ZNF675: variants seen among roughly 807,000 people sequenced by gnomAD.
ZNF675 encodes the protein zinc finger protein 675.
ZNF675 carries 36 observed loss-of-function variants against 56.1 expected under a neutral mutation model. The ratio of observed to expected loss-of-function variants is 0.64; its 90% confidence interval spans 0.49 to 0.85. The LOEUF (loss-of-function observed/expected upper bound fraction) is 0.85. ZNF675 is among the 40% of genes least tolerant of loss of function. ZNF675 has a pLI of 0.00. For missense variants in ZNF675, 663 were observed against 654.2 expected (o/e 1.01, Z -0.15); for synonymous variants, 200 against 218.9 (o/e 0.91, Z 0.76).
At chr19:23,661,101 T>G (rs1725593908) in intron 3 of ZNF675, among the ~76,000 whole-genome samples, 1 of 152,102 alleles carries the variant, frequency 6.6e-6, no homozygotes, top group African/African-American at 2.4e-5. Flanking sequence ...GGCTAATTTT[T>G]TGTATTTTTA....
chr19:23,659,430 G>GC (rs1968046855), intron 3 of ZNF675, among the ~76,000 whole-genome samples: 1 of 152,078 alleles, frequency 6.6e-6, no homozygotes, highest in African/African-American at 2.4e-5. Flanking sequence ...AGATTGCCAG[G>GC]CATCATGGCT....
At chr19:23,662,780 G>C (rs1437881828) in intron 2 of ZNF675, among the ~76,000 whole-genome samples, 1 of 151,802 alleles carries the variant, frequency 6.6e-6, no homozygotes, top group Non-Finnish European at 1.5e-5. Context: ...ACGAGTTCGA[G>C]ACCAGCCTGG....
chr19:23,668,539 C>T (rs1386807372), intron 1 of ZNF675, among the ~76,000 whole-genome samples: 1 of 152,220 alleles, frequency 6.6e-6, no homozygotes, highest in Non-Finnish European at 1.5e-5. Context: ...ACTCCTCAGC[C>T]CTTGGGCGGT....
At chr19:23,681,069 C>T (rs1044899545) in intron 1 of ZNF675, among the ~76,000 whole-genome samples, 1 of 151,750 alleles carries the variant, frequency 6.6e-6, no homozygotes, top group African/African-American at 2.4e-5. Context: ...GTTTGTACTA[C>T]AGATAGTGGC....
At position 23,654,113 on chromosome 19, in the gene ZNF675, G is replaced by A; in HGVS notation, c.820C>T (p.His274Tyr). ...AFNQSSHLTT[H>Y]KIIHTGEKPY... is the part of the protein sequence containing the mutation. ...TTCTCTCCTGTATGAATTATCTTAT[G>A]TGTAGTAAGGTGTGAGGACTGGTTA... The change falls in exon 4 of 4, where the codon CAT (histidine) becomes TAT (tyrosine). Residue 274 changes from histidine to tyrosine, a missense_variant. Transcript: ENST00000359788. 6.2e-7 allele frequency: 1 copy of A among 1,613,938 alleles called. No homozygotes were observed. The highest frequency in any genetic ancestry group is 8.5e-7 in the Non-Finnish European group (1 of 1,179,992).
At chr19:23,677,739 A>C (rs1007185106) in intron 1 of ZNF675, among the ~76,000 whole-genome samples, 1 of 149,708 alleles carries the variant, frequency 6.7e-6, no homozygotes, top group African/African-American at 2.5e-5. Context: ...TCCCATTTGC[A>C]GTTGCCACAA....
intron 1 of ZNF675, among the ~76,000 whole-genome samples, chr19:23,669,664 G>T (rs565608390): frequency 1.1e-4 from 17 of 152,150 alleles, no homozygotes; most frequent in African/African-American, 3.6e-4. Flanking sequence ...ATAAGGTCAG[G>T]AGTTCGAGAC....
intron 3 of ZNF675, chr19:23,656,612 G>GTATA (rs139530601): frequency 0.42 from 62,208 of 148,476 alleles, 13,941 homozygotes; most frequent in East Asian, 0.65. Flanking sequence ...AACAAAAAAG[G>GTATA]TATACACACA....
rs1967930943 is a variant in ZNF675 at position 23,652,984 on chromosome 19, CTT to C, written c.*240_*241del. The C allele has an allele frequency of 5.3e-6, 2 of 379,436 alleles. No individual in the cohort carries two copies. The highest frequency in any genetic ancestry group is 9.4e-6 in the Non-Finnish European group (2 of 213,886). 23.5% of individuals were successfully genotyped at this position (379,436 alleles called of 1,614,324 possible). A position where few individuals can be genotyped will look rare whatever the true frequency, so the allele number is the denominator to read the frequency against. On this transcript the variant is annotated 3_prime_UTR_variant, in exon 4 of 4. Coordinates refer to ENST00000359788, the MANE Select transcript of ZNF675 (RefSeq NM_138330.3). ...CAGATATTAATGGCTATTTTACACT[CTT>C]TATATTTGTACAATTTTTCTTAAGT...
intron 1 of ZNF675, among the ~76,000 whole-genome samples, chr19:23,667,282 G>A (rs1278569031): frequency 6.6e-6 from 1 of 152,098 alleles, no homozygotes; most frequent in Non-Finnish European, 1.5e-5. Flanking sequence ...CATAAAAGCA[G>A]TGTGGACCCA....
chr19:23,668,483 G>A (rs565673645), intron 1 of ZNF675, among the ~76,000 whole-genome samples: 193 of 32,760 alleles, frequency 5.9e-3, no homozygotes, highest in East Asian at 0.015. Flanking sequence ...ATCCCGCACC[G>A]GGGCTGCAGG....
At chr19:23,654,774 T>C (rs1967960219) in intron 3 of ZNF675, 68 bp from the exon 4 acceptor site, 24 of 1,301,842 alleles carry the variant, frequency 1.8e-5, no homozygotes, top group African/African-American at 4.5e-5. Flanking sequence ...ACCTAACTTA[T>C]AAAATTACAC....
chr19:23,671,008 G>C (rs1599418664), intron 1 of ZNF675, among the ~76,000 whole-genome samples: 1 of 152,082 alleles, frequency 6.6e-6, no homozygotes, highest in African/African-American at 2.4e-5. Context: ...AATTTCTTGA[G>C]GCTCTCCTTG....
Position 23,668,234 on chromosome 19 carries a change from T to C in ZNF675, c.4-5076A>G, listed in dbSNP as rs185094978. ...AATCCCTGAGATAGACACAGGGTGC[T>C]CCAAGGCCCCACCAAAGCAGCTAGA... is the stretch of plus-strand genomic sequence containing the variant. On this transcript the variant is annotated intron_variant, in intron 1 of 3. Transcript: ENST00000359788. 3.2e-3 allele frequency among the ~76,000 whole-genome samples: 486 copies of C among 151,388 alleles called. 6 individuals are homozygous for C. Among genetic ancestry groups the C allele is most frequent in the African/African-American group, 0.011 (457 of 41,086 alleles).
intron 3 of ZNF675, among the ~76,000 whole-genome samples, chr19:23,659,478 A>G (rs1260385342): frequency 2.0e-5 from 3 of 152,152 alleles, no homozygotes; most frequent in African/African-American, 7.2e-5. Flanking sequence ...TATTAAGTTT[A>G]GAGAATTGCT....
In ZNF675 at chr19:23,654,387, G is replaced by A. The variant is rs1836717956; in HGVS notation, c.546C>T (p.Cys182=). ...FKCKECGRSF[C]MLSHLTRHER... is the part of the protein sequence containing the mutation. ...CATGTCGAGTTAGGTGTGAAAGCAT[G>A]CAAAATGATCTGCCACATTCTTTAC... The change falls in exon 4 of 4, where the codon TGC becomes TGT. Residue 182 remains cysteine, a synonymous_variant. Transcript: ENST00000359788. The A allele has an allele frequency of 8.1e-6, 13 of 1,611,724 alleles. No individual in the cohort carries two copies. The highest frequency in any genetic ancestry group is 1.0e-5 in the Non-Finnish European group (12 of 1,178,602).
At position 23,654,836 on chromosome 19, in the gene ZNF675, C is replaced by T. The variant is rs1967961038; in HGVS notation, c.227-130G>A. The T allele has an allele frequency of 1.2e-5, 7 of 601,888 alleles. 1 individual carries two copies. Among genetic ancestry groups the T allele is most frequent in the Non-Finnish European group, 5.3e-6 (2 of 375,218 alleles). 37.3% of individuals were successfully genotyped at this position (601,888 alleles called of 1,614,324 possible). A position where few individuals can be genotyped will look rare whatever the true frequency, so the allele number is the denominator to read the frequency against. On this transcript the variant is annotated intron_variant, in intron 3 of 3. Coordinates refer to ENST00000359788, the MANE Select transcript of ZNF675 (RefSeq NM_138330.3). ...AGGCCATAATTAAGTGTATGTGTTG[C>T]CCCAGGTGAGCACAATGCAAAGAGC...
chr19:23,654,019 A>T lies in ZNF675; in HGVS notation c.914T>A (p.Ile305Asn). Reference protein sequence around the residue: ...QFSNLTTHKKIHTGEQPYICE... With the variant: ...QFSNLTTHKKNHTGEQPYICE... ...TATGTAGGGTTGCTCTCCAGTATGA[A>T]TTTTTTTATGTGTAGTAAGATTTGA... Residue 305 changes from isoleucine (I) to asparagine (N), a missense_variant, in exon 4 of 4, where the codon ATT becomes AAT. Around this residue, in one of 3 missense-constraint regions of ZNF675, gnomAD observed 617 missense variants for 590.5 expected, o/e 1.04. Coordinates refer to ENST00000359788, the MANE Select transcript of ZNF675 (RefSeq NM_138330.3). 1.2e-6 allele frequency: 2 copies of T among 1,613,326 alleles called. No homozygotes were observed. The highest frequency in any genetic ancestry group is 1.7e-6 in the Non-Finnish European group (2 of 1,179,878).
At chr19:23,662,454 A>G (rs1968091699) in intron 2 of ZNF675, among the ~76,000 whole-genome samples, 1 of 152,244 alleles carries the variant, frequency 6.6e-6, no homozygotes, top group African/African-American at 2.4e-5. Flanking sequence ...GTGGGCAACA[A>G]TATTTTATGC....
Sources: gnomAD v4.1 joint callset for allele counts (sites outside exome capture counted in the v4.1 genomes callset) on GRCh38, gnomAD v4.1.1 for gene constraint, gnomAD v4.1.1 regional missense constraint, MANE v1.5 for transcripts, NCBI Gene and HGNC (gene_info 2026-07-23, HGNC 2026-07-21) for gene names.